Variants in MIOS observed in about 807,000 individuals in gnomAD.
MIOS encodes the protein meiosis regulator for oocyte development.
A neutral mutation model predicts 96.9 loss-of-function variants in MIOS; 52 were observed. The observed-to-expected ratio is 0.54, with a 90% CI of 0.43 to 0.68. The LOEUF is 0.68. Among genes scored for constraint, MIOS ranks in the 30% least tolerant of loss-of-function variants. MIOS has a pLI of 0.00. For synonymous variants in MIOS, 397 were observed against 359.5 expected, an observed-to-expected ratio of 1.10 and a Z score of -1.18; for missense variants, 1,005 against 1,052.8, an observed-to-expected ratio of 0.95 and a Z score of 0.63.
intron 9 of MIOS, among the ~76,000 whole-genome samples, chr7:7,592,080 A>G (rs1416893811): frequency 6.6e-6 from 1 of 152,000 alleles, no homozygotes; most frequent in Non-Finnish European, 1.5e-5. Context: ...TCCCAGGTTC[A>G]AGCATTCGAG....
intron 5 of MIOS, chr7:7,581,947 T>C (rs1783741925): frequency 6.9e-6 from 1 of 145,818 alleles, no homozygotes; most frequent in Non-Finnish European, 1.5e-5. Flanking sequence ...TATTCTGTTA[T>C]CTCGAGACAA....
rs2115348352 is a variant in MIOS, at chr7:7,572,517, T to C, written c.42T>C (p.His14=). The change falls in exon 4 of 13, where the codon CAT becomes CAC. Residue 14 remains histidine, a synonymous_variant. Coordinates refer to ENST00000340080, the MANE Select transcript of MIOS (RefSeq NM_019005.4). This position sits in a 1 kb window ranked among gnomAD's most constrained non-coding sequence, Gnocchi z 4.8. ...CTGATATTTTATGGGCACCACACCATGTTGATAGATTTGTTGTGTGTGACT... is the reference window on the plus strand; with the variant it reads ...CTGATATTTTATGGGCACCACACCACGTTGATAGATTTGTTGTGTGTGACT... ...TKPDILWAPH[H]VDRFVVCDSE... 3 of 1,614,010 alleles carry C rather than the reference T, an allele frequency of 1.9e-6. No individual in the cohort carries two copies. The highest frequency in any genetic ancestry group is 3.3e-4 in the Middle Eastern group (2 of 6,060).
At chr7:7,570,246 A>G (rs1783306274) in intron 3 of MIOS, among the ~76,000 whole-genome samples, 1 of 152,194 alleles carries the variant, frequency 6.6e-6, no homozygotes. Flanking sequence ...TGAGGAGACA[A>G]GATGATAAAT....
At position 7,607,138 on chromosome 7, in the gene MIOS, T is replaced by G; in HGVS notation, c.*46T>G. 6.9e-7 allele frequency: 1 copy of G among 1,447,536 alleles called. No homozygotes were observed. Among genetic ancestry groups the G allele is most frequent in the Non-Finnish European group, 9.6e-7 (1 of 1,045,760 alleles). The allele number at this position is 1,447,536 out of a possible 1,614,324, so 89.7% of individuals were successfully genotyped here. A position where few individuals can be genotyped will look rare whatever the true frequency, so the allele number is the denominator to read the frequency against. On this transcript the variant is annotated 3_prime_UTR_variant, in exon 13 of 13. Coordinates refer to ENST00000340080, the MANE Select transcript of MIOS (RefSeq NM_019005.4). ...ACCCTTCAAGTGTGGAGCTTTCTAG[T>G]AGGTGTCCTTCATAGCTCAGAAACA...
At chr7:7,569,071 A>T (rs1783255951) in intron 3 of MIOS, among the ~76,000 whole-genome samples, 1 of 152,218 alleles carries the variant, frequency 6.6e-6, no homozygotes, top group Non-Finnish European at 1.5e-5. Context: ...GCCTAGATAA[A>T]AAGTGTGTTT....
chr7:7,592,044 A>G (rs1784064256), intron 9 of MIOS, among the ~76,000 whole-genome samples: 1 of 151,932 alleles, frequency 6.6e-6, no homozygotes, highest in Non-Finnish European at 1.5e-5. Flanking sequence ...GCAGTGGCAC[A>G]ATATTGGCTC....
intron 7 of MIOS, among the ~76,000 whole-genome samples, chr7:7,587,407 T>G (rs1231873528): frequency 2.0e-5 from 3 of 152,210 alleles, no homozygotes; most frequent in Non-Finnish European, 2.9e-5. Context: ...AGCTGTTTCA[T>G]TTATGTATTT....
chr7:7,583,761 T>G (rs1046918523), intron 6 of MIOS, among the ~76,000 whole-genome samples: 7 of 152,224 alleles, frequency 4.6e-5, no homozygotes, highest in African/African-American at 1.7e-4. Flanking sequence ...GTTTATACTT[T>G]CTTTGGGATG....
intron 5 of MIOS, among the ~76,000 whole-genome samples, chr7:7,577,871 A>G (rs1466978774): frequency 6.6e-6 from 1 of 152,226 alleles, no homozygotes; most frequent in Non-Finnish European, 1.5e-5. Context: ...TTATTTTACC[A>G]GAAGGCAGAA....
intron 11 of MIOS, among the ~76,000 whole-genome samples, chr7:7,596,977 T>G (rs750073006): frequency 1.3e-5 from 2 of 152,100 alleles, no homozygotes; most frequent in Non-Finnish European, 2.9e-5. Flanking sequence ...GAAGGATTAC[T>G]TGAGCCTGGG....
intron 11 of MIOS, among the ~76,000 whole-genome samples, chr7:7,600,578 T>A (rs973529269): frequency 6.6e-6 from 1 of 152,058 alleles, no homozygotes; most frequent in African/African-American, 2.4e-5. Flanking sequence ...AAGTCCTTAG[T>A]GACCTACAAA....
intron 11 of MIOS, among the ~76,000 whole-genome samples, chr7:7,601,283 G>T (rs956001467): frequency 1.3e-5 from 2 of 148,356 alleles, no homozygotes; most frequent in East Asian, 2.0e-4. Context: ...CCAGGAGCTG[G>T]TTTTTTTTTT....
Position 7,573,982 on chromosome 7 carries a change from G to A in MIOS, c.1295-116G>A, listed in dbSNP as rs907700354. ...GGAAGAAAAGTGTATCTCTGCAATA[G>A]AGTCGAACCACCTTATTTACACTGA... On this transcript the variant is annotated intron_variant, in intron 4 of 12. Coordinates refer to ENST00000340080, the MANE Select transcript of MIOS (RefSeq NM_019005.4). The surrounding 1 kb of genome is among the most constrained non-coding windows in gnomAD (Gnocchi z 5.0). 14 of 917,344 alleles carry A rather than the reference G, an allele frequency of 1.5e-5. No homozygotes were observed. Among genetic ancestry groups the A allele is most frequent in the Middle Eastern group, 2.6e-4 (1 of 3,828 alleles). 56.8% of individuals were successfully genotyped at this position (917,344 alleles called of 1,614,324 possible).
intron 5 of MIOS, among the ~76,000 whole-genome samples, chr7:7,575,149 CTG>C (rs1783488118): frequency 6.6e-6 from 1 of 151,934 alleles, no homozygotes; most frequent in African/African-American, 2.4e-5. Flanking sequence ...CCAAGTCAAG[CTG>C]TTAGAAAAGT....
At chr7:7,599,703 A>G (rs1443698364) in intron 11 of MIOS, among the ~76,000 whole-genome samples, 2 of 152,198 alleles carry the variant, frequency 1.3e-5, no homozygotes, top group Non-Finnish European at 2.9e-5. Flanking sequence ...CAGTAGGAAA[A>G]TTAGGGAGAG....
chr7:7,569,066 G>A (rs867032727), intron 3 of MIOS, among the ~76,000 whole-genome samples: 1 of 152,200 alleles, frequency 6.6e-6, no homozygotes, highest in Non-Finnish European at 1.5e-5. Context: ...TGAAAGCCTA[G>A]ATAAAAAGTG....
intron 2 of MIOS, 79 bp downstream of exon 2, chr7:7,567,767 C>T (rs1037532907): frequency 6.6e-6 from 1 of 152,148 alleles, no homozygotes; most frequent in Admixed American, 6.5e-5. Context: ...ATGTGTTGGA[C>T]TTCACTGTCC....
At chr7:7,602,918 T>C (rs1784421532) in intron 11 of MIOS, among the ~76,000 whole-genome samples, 1 of 152,132 alleles carries the variant, frequency 6.6e-6, no homozygotes, top group African/African-American at 2.4e-5. Flanking sequence ...TAATGCCACC[T>C]ATCTACAACC....
intron 5 of MIOS, chr7:7,582,653 C>T: frequency 1.0e-6 from 1 of 976,874 alleles, no homozygotes; most frequent in Non-Finnish European, 1.2e-6. Context: ...AAAGCAAGAT[C>T]ACTTCTACTG....
Sources: gnomAD v4.1 joint callset for allele counts (sites outside exome capture counted in the v4.1 genomes callset) on GRCh38, gnomAD v4.1.1 for gene constraint, Gnocchi (gnomAD v3.1) non-coding constraint, MANE v1.5 for transcripts, NCBI Gene and HGNC (gene_info 2026-07-23, HGNC 2026-07-21) for gene names.